The following ZFHX3 variants were observed in gnomAD, a reference collection of about 807,000 sequenced individuals.
ZFHX3 encodes the protein zinc finger homeobox protein 3.
Under a neutral mutation model 279.1 loss-of-function variants are expected in ZFHX3, and 42 were observed. The observed-to-expected ratio is 0.15, with a 90% CI of 0.12 to 0.19. ZFHX3 has a LOEUF of 0.19. Ranked by LOEUF, ZFHX3 falls within the 10% of genes least tolerant of loss-of-function variation. ZFHX3 has a pLI of 1.00. For missense variants in ZFHX3, 4,981 were observed against 4,754.0 expected (o/e 1.05, Z -1.40); for synonymous variants, 2,293 against 1,957.8 (o/e 1.17, Z -4.52).
intron 3 of ZFHX3, among the ~76,000 whole-genome samples, chr16:73,371,639 T>C (rs1436979562): frequency 2.0e-5 from 3 of 152,100 alleles, no homozygotes; most frequent in African/African-American, 7.2e-5. Context: ...TGGTTTGCTG[T>C]AGCAAGCACT....
At chr16:73,403,133 G>A (rs926920206) in intron 3 of ZFHX3, among the ~76,000 whole-genome samples, 1 of 152,166 alleles carries the variant, frequency 6.6e-6, no homozygotes, top group Admixed American at 6.5e-5. Context: ...GATTGGAACT[G>A]AGTAAGGAAG....
chr16:73,405,623 C>T (rs2017344199), intron 3 of ZFHX3, among the ~76,000 whole-genome samples: 1 of 151,118 alleles, frequency 6.6e-6, no homozygotes, highest in South Asian at 2.1e-4. Flanking sequence ...AAAACTAACT[C>T]CAAGTTTTTT....
At chr16:72,996,131 C>T (rs1215453115) in intron 1 of ZFHX3, among the ~76,000 whole-genome samples, 1 of 151,836 alleles carries the variant, frequency 6.6e-6, no homozygotes, top group Non-Finnish European at 1.5e-5. Context: ...CACACACACA[C>T]ACACGAGCCG....
At chr16:73,539,982 G>C (rs527767308) in intron 2 of ZFHX3, among the ~76,000 whole-genome samples, 33 of 152,318 alleles carry the variant, frequency 2.2e-4, no homozygotes, top group African/African-American at 7.7e-4. Flanking sequence ...AAGGACATGT[G>C]TGCTATGAAA....
intron 7 of ZFHX3, among the ~76,000 whole-genome samples, chr16:73,121,640 G>T (rs1178855150): frequency 1.3e-5 from 2 of 149,902 alleles, no homozygotes; most frequent in Middle Eastern, 3.4e-3. Flanking sequence ...TTTTGAGATG[G>T]AGTCTTGCTC....
intron 3 of ZFHX3, among the ~76,000 whole-genome samples, chr16:73,336,282 G>C (rs1567453865): frequency 6.6e-6 from 1 of 152,170 alleles, no homozygotes; most frequent in Non-Finnish European, 1.5e-5. Context: ...GTGCAGGTCT[G>C]TTATATGGGT....
At chr16:73,595,270 C>G (rs528578010) in intron 2 of ZFHX3, among the ~76,000 whole-genome samples, 9 of 152,272 alleles carry the variant, frequency 5.9e-5, no homozygotes, top group Middle Eastern at 6.8e-3. Flanking sequence ...TCTCTTCTTC[C>G]GGGTCAGCAC....
At chr16:73,052,353 T>C (rs1275497626), upstream of ZFHX3, among the ~76,000 whole-genome samples, 1 of 151,924 alleles carries the variant, frequency 6.6e-6, no homozygotes, top group Non-Finnish European at 1.5e-5. Context: ...TTTTTTTTAA[T>C]GAAGAATTCA....
intron 1 of ZFHX3, among the ~76,000 whole-genome samples, chr16:73,741,114 C>T (rs141350072): frequency 0.022 from 3,283 of 147,828 alleles, 79 homozygotes; most frequent in African/African-American, 0.05. Context: ...TCACTGCAAC[C>T]TCTGCCTCCC....
intron 1 of ZFHX3, among the ~76,000 whole-genome samples, chr16:73,038,818 G>A (rs1235632359): frequency 1.3e-5 from 2 of 149,952 alleles, no homozygotes; most frequent in Non-Finnish European, 3.0e-5. Context: ...TTATTATTGA[G>A]TCGGGATGTC....
chr16:73,247,115 T>C (rs1168456962), intron 5 of ZFHX3, among the ~76,000 whole-genome samples: 5 of 152,148 alleles, frequency 3.3e-5, no homozygotes, highest in Non-Finnish European at 7.4e-5. Flanking sequence ...TGTGTCTGTC[T>C]ATGTGCCTGT....
intron 1 of ZFHX3, among the ~76,000 whole-genome samples, chr16:72,981,451 G>A (rs1266279355): frequency 1.3e-5 from 2 of 152,160 alleles, no homozygotes; most frequent in African/African-American, 4.8e-5. Flanking sequence ...TTGACTCAAC[G>A]GGTTAAGAAA....
intron 5 of ZFHX3, among the ~76,000 whole-genome samples, chr16:73,159,779 T>C (rs557432519): frequency 6.6e-6 from 1 of 152,342 alleles, no homozygotes; most frequent in South Asian, 2.1e-4. Flanking sequence ...TTATTATTTT[T>C]TGATATAGAG....
At chr16:73,281,611 G>C (rs946440889) in intron 4 of ZFHX3, among the ~76,000 whole-genome samples, 1 of 152,108 alleles carries the variant, frequency 6.6e-6, no homozygotes, top group East Asian at 1.9e-4. Flanking sequence ...TACATCTTAC[G>C]TTAAGTGATC....
intron 7 of ZFHX3, among the ~76,000 whole-genome samples, chr16:73,113,793 C>CTTTTTTTTTTTTT (rs71391487): frequency 9.7e-6 from 1 of 102,988 alleles, no homozygotes; most frequent in Non-Finnish European, 1.8e-5. Context: ...TTTTTGGAAA[C>CTTTTTTTTTTTTT]TTTTTTTTTT....
At chr16:73,241,963 G>T (rs1049286208) in intron 5 of ZFHX3, among the ~76,000 whole-genome samples, 3 of 151,986 alleles carry the variant, frequency 2.0e-5, no homozygotes, top group African/African-American at 7.3e-5. Context: ...CTGTGAAATG[G>T]GACCCTAATA....
intron 2 of ZFHX3, chr16:73,543,865 GGAGA>G (rs1051817746): frequency 3.6e-4 from 51 of 141,106 alleles, no homozygotes; most frequent in African/African-American, 1.3e-3. Flanking sequence ...AGAGAGAGAG[GGAGA>G]GAGAGAGCGA....
intron 8 of ZFHX3, among the ~76,000 whole-genome samples, chr16:73,074,679 G>A (rs1380831502): frequency 6.7e-6 from 1 of 148,234 alleles, no homozygotes; most frequent in African/African-American, 2.5e-5. Context: ...ATACAGACAT[G>A]CTTAACCAAC....
chr16:73,143,985 C>A (rs1169473701), intron 5 of ZFHX3, among the ~76,000 whole-genome samples: 1 of 152,080 alleles, frequency 6.6e-6, no homozygotes, highest in Non-Finnish European at 1.5e-5. Flanking sequence ...CAAGTCACCC[C>A]CTTGTCGGCC....
Sources: allele counts gnomAD v4.1 joint callset (sites outside exome capture counted in the v4.1 genomes callset), GRCh38; gene constraint gnomAD v4.1.1; transcripts MANE v1.5; gene names NCBI Gene and HGNC (gene_info 2026-07-23, HGNC 2026-07-21).